The following SOX6 variants were observed in gnomAD, a reference collection of about 807,000 sequenced individuals.
SOX6 encodes the protein transcription factor SOX-6.
Under a neutral mutation model 97.8 loss-of-function variants are expected in SOX6, and 11 were observed. The ratio of observed to expected loss-of-function variants is 0.11; its 90% CI spans 0.07 to 0.19. The LOEUF (loss-of-function observed/expected upper bound fraction) is 0.19. SOX6 is among the 10% of genes least tolerant of loss of function. The pLI is 1.00. For synonymous variants in SOX6, 360 were observed against 371.4 expected (o/e 0.97, Z 0.35); for missense variants, 810 against 1,039.5 (o/e 0.78, Z 3.04).
intron 2 of SOX6, among the ~76,000 whole-genome samples, chr11:16,332,383 A>G (rs1225192679): frequency 6.6e-6 from 1 of 152,190 alleles, no homozygotes; most frequent in Non-Finnish European, 1.5e-5. Flanking sequence ...AATTTCTTCT[A>G]TTATACCACC....
chr11:16,411,611 T>C (rs1858821755), intron 1 of SOX6, among the ~76,000 whole-genome samples: 1 of 152,192 alleles, frequency 6.6e-6, no homozygotes, highest in Admixed American at 6.5e-5. Context: ...ATGATTAAAC[T>C]ATCAACCTAG....
At chr11:16,593,219 T>C (rs1386757032) in intron 4 of SOX6, among the ~76,000 whole-genome samples, 1 of 152,102 alleles carries the variant, frequency 6.6e-6, no homozygotes, top group Admixed American at 6.5e-5. Context: ...GCACATTAAA[T>C]AGAGCTGATA....
chr11:16,334,585 G>A (rs1261169432), intron 2 of SOX6, among the ~76,000 whole-genome samples: 3 of 151,902 alleles, frequency 2.0e-5, no homozygotes, highest in Non-Finnish European at 2.9e-5. Context: ...GCACCACCAC[G>A]TCTGGCTAAT....
At chr11:16,652,787 T>A (rs1002426050) in intron 3 of SOX6, among the ~76,000 whole-genome samples, 1 of 152,014 alleles carries the variant, frequency 6.6e-6, no homozygotes, top group African/African-American at 2.4e-5. Flanking sequence ...CTAAAAAGCT[T>A]CACTGCAGCA....
At chr11:16,642,266 C>T (rs532323314) in intron 3 of SOX6, among the ~76,000 whole-genome samples, 8 of 152,240 alleles carry the variant, frequency 5.3e-5, no homozygotes, top group East Asian at 1.9e-4. Flanking sequence ...GAGCTTCTGC[C>T]GAGAGACCTG....
At chr11:16,091,073 A>G (rs976371289) in intron 9 of SOX6, among the ~76,000 whole-genome samples, 3 of 152,024 alleles carry the variant, frequency 2.0e-5, no homozygotes, top group Non-Finnish European at 4.4e-5. Flanking sequence ...ACTCTAATCC[A>G]AAGTTCTAAT....
intron 3 of SOX6, among the ~76,000 whole-genome samples, chr11:16,705,714 C>T (rs551745616): frequency 6.6e-6 from 1 of 152,124 alleles, no homozygotes; most frequent in South Asian, 2.1e-4. Flanking sequence ...AAGAATGGAG[C>T]TTATATAGAA....
rs148082014 is a variant in SOX6, at chr11:16,032,453, A to C, written c.1623+14061T>G. The stretch of plus-strand genomic sequence containing the variant: ...TGTTAATTATTTCAAATTTTCATGT[A>C]GATTTACAATCCTATATCACCCTGA... On this transcript the variant is annotated intron_variant, in intron 12 of 15. Coordinates refer to ENST00000683767, the MANE Select transcript of SOX6 (RefSeq NM_001367873.1). Among the ~76,000 whole-genome samples, 538 of 152,318 alleles carry C rather than the reference A, an allele frequency of 3.5e-3. 2 individuals carry two copies. Among genetic ancestry groups the C allele is most frequent in the Non-Finnish European group, 5.9e-3 (398 of 68,024 alleles).
intron 6 of SOX6, among the ~76,000 whole-genome samples, chr11:16,124,575 C>A (rs1210142693): frequency 6.6e-6 from 1 of 151,818 alleles, no homozygotes; most frequent in Admixed American, 6.6e-5. Context: ...TTGCACAGAG[C>A]TAGAAGAGAG....
At chr11:16,240,990 A>C (rs1428427701) in intron 3 of SOX6, among the ~76,000 whole-genome samples, 2 of 89,082 alleles carry the variant, frequency 2.2e-5, no homozygotes, top group Admixed American at 2.1e-4. Flanking sequence ...TTTGCTTCAG[A>C]TATGAAGTAA....
intron 1 of SOX6, among the ~76,000 whole-genome samples, chr11:16,468,265 T>G (rs1210281584): frequency 6.6e-6 from 1 of 152,138 alleles, no homozygotes; most frequent in Non-Finnish European, 1.5e-5. Flanking sequence ...TAACAGCATC[T>G]TAAAAAAAAG....
intron 4 of SOX6, among the ~76,000 whole-genome samples, chr11:16,588,410 A>G (rs1026130029): frequency 6.6e-6 from 1 of 152,214 alleles, no homozygotes; most frequent in Non-Finnish European, 1.5e-5. Context: ...TGCCCAGGAA[A>G]TATACCAACG....
intron 4 of SOX6, among the ~76,000 whole-genome samples, chr11:16,210,720 G>A (rs1020725186): frequency 6.6e-6 from 1 of 152,062 alleles, no homozygotes; most frequent in Non-Finnish European, 1.5e-5. Flanking sequence ...GGCATCTCTC[G>A]CACTCACTAC....
chr11:16,613,699 G>A lies in SOX6; in HGVS notation n.430-1439C>T, dbSNP rs1022318194. Among the ~76,000 whole-genome samples the A allele has an allele frequency of 6.6e-6, 1 of 152,170 alleles. No individual in the cohort carries two copies. The highest frequency in any genetic ancestry group is 1.5e-5 in the Non-Finnish European group (1 of 68,024). The stretch of plus-strand genomic sequence containing the variant: ...TTCTGGCCGAACTCCTCATCTAAAC[G>A]GAAGTCCCTTTACAGTCAATTCAGC... On this transcript the variant is annotated intron_variant and non_coding_transcript_variant, in intron 3 of 5. Coordinates refer to the SOX6 transcript ENST00000524520. This position sits in a 1 kb window ranked among gnomAD's most constrained non-coding sequence, Gnocchi z 4.6.
At chr11:16,494,508 C>T (rs61881829) in intron 4 of SOX6, among the ~76,000 whole-genome samples, 26,773 of 152,042 alleles carry the variant, frequency 0.18, 2,756 homozygotes, top group Admixed American at 0.31. Flanking sequence ...AATAAAGTAC[C>T]ATTTGTGTTA....
chr11:16,393,901 C>G (rs1027204397), intron 1 of SOX6, among the ~76,000 whole-genome samples: 1 of 151,990 alleles, frequency 6.6e-6, no homozygotes, highest in Non-Finnish European at 1.5e-5. Flanking sequence ...AACTTACAAT[C>G]TTAATCTTAT....
chr11:16,286,915 A>T (rs961186870), intron 3 of SOX6, among the ~76,000 whole-genome samples: 2 of 152,176 alleles, frequency 1.3e-5, no homozygotes, highest in East Asian at 1.9e-4. Flanking sequence ...TAGGTCCATA[A>T]GGGCTCATCA....
chr11:16,142,197 T>C (rs1372913235), intron 6 of SOX6, among the ~76,000 whole-genome samples: 3 of 152,134 alleles, frequency 2.0e-5, no homozygotes, highest in African/African-American at 7.2e-5. Context: ...TGTTCAGCTA[T>C]ATTTGTTGTT....
intron 3 of SOX6, among the ~76,000 whole-genome samples, chr11:16,308,048 G>A (rs1325696703): frequency 6.6e-6 from 1 of 152,152 alleles, no homozygotes; most frequent in East Asian, 1.9e-4. Context: ...ATAGGTCTGA[G>A]CACCACACAT....
Sources: allele counts gnomAD v4.1 joint callset (sites outside exome capture counted in the v4.1 genomes callset), GRCh38; gene constraint gnomAD v4.1.1; non-coding constraint Gnocchi (gnomAD v3.1); transcripts MANE v1.5; gene names NCBI Gene and HGNC (gene_info 2026-07-23, HGNC 2026-07-21).